The following DKK2 variants were observed in gnomAD, a reference collection of about 807,000 sequenced individuals.
The protein encoded by DKK2 is dickkopf Wnt signaling pathway inhibitor 2.
In DKK2, 11 loss-of-function variants were observed where a neutral mutation model predicts 28.1. The observed-to-expected ratio is 0.39, with a 90% confidence interval of 0.25 to 0.65. DKK2 has a LOEUF of 0.65. Ranked by LOEUF, DKK2 falls within the 30% of genes least tolerant of loss-of-function variation. The pLI is 0.47. For synonymous variants in DKK2, 135 were observed against 126.5 expected, an observed-to-expected ratio of 1.07 and a Z score of -0.45; for missense variants, 326 against 335.5, an observed-to-expected ratio of 0.97 and a Z score of 0.22.
chr4:106,963,524 T>C lies in DKK2; in HGVS notation c.223-37575A>G, dbSNP rs143546551. 2.4e-4 allele frequency among the ~76,000 whole-genome samples: 37 copies of C among 152,278 alleles called. No individual in the cohort carries two copies. The East Asian group carries it at 6.6e-3, about 27-fold the overall frequency. On this transcript the variant is annotated intron_variant, in intron 1 of 3. Coordinates refer to ENST00000285311, the MANE Select transcript of DKK2 (RefSeq NM_014421.3). ...TTAAAGTGGATTTTATCCAATAGAC[T>C]GGCAATAATGTATGCTGGTGAGGAT...
At chr4:107,011,714 G>A (rs200978693) in intron 1 of DKK2, among the ~76,000 whole-genome samples, 1 of 142,804 alleles carries the variant, frequency 7.0e-6, no homozygotes, top group Admixed American at 7.2e-5. Context: ...TGTGTGTGTG[G>A]GTGTGTATAA....
chr4:106,934,476 A>G (rs1724549469), intron 1 of DKK2, among the ~76,000 whole-genome samples: 1 of 152,206 alleles, frequency 6.6e-6, no homozygotes, highest in South Asian at 2.1e-4. Context: ...TCATCTTAAT[A>G]GCAGAATTAG....
intron 1 of DKK2, among the ~76,000 whole-genome samples, chr4:106,934,961 G>A (rs114363451): frequency 5.1e-4 from 78 of 152,324 alleles, no homozygotes; most frequent in African/African-American, 1.9e-3. Context: ...TCCCTCAGGT[G>A]TGCTGGTGCA....
chr4:106,980,306 T>A (rs1383212501), intron 1 of DKK2, among the ~76,000 whole-genome samples: 3 of 152,114 alleles, frequency 2.0e-5, no homozygotes, highest in Non-Finnish European at 4.4e-5. Flanking sequence ...GATATCTATG[T>A]GTATGTACAT....
chr4:106,934,028 T>A (rs960396543), intron 1 of DKK2, among the ~76,000 whole-genome samples: 2 of 148,984 alleles, frequency 1.3e-5, no homozygotes, highest in South Asian at 4.3e-4. Context: ...ATACACACAC[T>A]ATATATATAT....
intron 1 of DKK2, among the ~76,000 whole-genome samples, chr4:106,957,950 A>G (rs1002202818): frequency 2.0e-5 from 3 of 150,116 alleles, no homozygotes; most frequent in Non-Finnish European, 4.4e-5. Flanking sequence ...TTTAAAAAAG[A>G]TGATTCTCTA....
intron 1 of DKK2, among the ~76,000 whole-genome samples, chr4:107,027,900 T>C (rs13132753): frequency 0.29 from 44,052 of 151,316 alleles, 6,647 homozygotes; most frequent in East Asian, 0.53. Flanking sequence ...TACAGGCGCC[T>C]GCCACCACGC....
chr4:106,994,673 T>A (rs947470384), intron 1 of DKK2, among the ~76,000 whole-genome samples: 1 of 152,230 alleles, frequency 6.6e-6, no homozygotes, highest in African/African-American at 2.4e-5. Flanking sequence ...AACATAACTG[T>A]GTAAGTAACA....
chr4:106,966,955 A>G (rs976407755), intron 1 of DKK2, among the ~76,000 whole-genome samples: 1 of 152,166 alleles, frequency 6.6e-6, no homozygotes, highest in Non-Finnish European at 1.5e-5. Context: ...CAGCCAAACC[A>G]TATCAATTTC....
intron 1 of DKK2, among the ~76,000 whole-genome samples, chr4:106,996,298 AG>A (rs1296833149): frequency 1.3e-5 from 2 of 152,220 alleles, no homozygotes; most frequent in African/African-American, 4.8e-5. Flanking sequence ...TGCAACTCAA[AG>A]GGAAAATGTA....
At chr4:107,022,300 GC>G (rs1330932373) in intron 1 of DKK2, among the ~76,000 whole-genome samples, 1 of 152,058 alleles carries the variant, frequency 6.6e-6, no homozygotes, top group African/African-American at 2.4e-5. Flanking sequence ...TGTGATCATA[GC>G]ATCTAATACA....
chr4:106,985,896 G>A (rs1204889572), intron 1 of DKK2, among the ~76,000 whole-genome samples: 1 of 151,228 alleles, frequency 6.6e-6, no homozygotes, highest in Non-Finnish European at 1.5e-5. Flanking sequence ...AAAGGAGGGA[G>A]GAAAGAAGGA....
intron 1 of DKK2, among the ~76,000 whole-genome samples, chr4:106,991,910 G>T (rs1478801970): frequency 6.6e-6 from 1 of 152,094 alleles, no homozygotes; most frequent in Admixed American, 6.5e-5. Flanking sequence ...TTTGCACCTG[G>T]ATCTTCACTG....
chr4:107,008,902 A>C (rs1035934139), intron 1 of DKK2, among the ~76,000 whole-genome samples: 1 of 152,056 alleles, frequency 6.6e-6, no homozygotes, highest in African/African-American at 2.4e-5. Flanking sequence ...AGGCAGAAAT[A>C]TGACATAGAA....
chr4:106,938,615 G>T (rs540075734), intron 1 of DKK2, among the ~76,000 whole-genome samples: 1 of 152,070 alleles, frequency 6.6e-6, no homozygotes, highest in East Asian at 1.9e-4. Context: ...TTTTTATGAG[G>T]CCAGCATCAT....
At chr4:106,983,325 A>AAAGG (rs1218243986) in intron 1 of DKK2, among the ~76,000 whole-genome samples, 1 of 105,594 alleles carries the variant, frequency 9.5e-6, no homozygotes, top group East Asian at 2.7e-4. Flanking sequence ...AAGAAGAAAG[A>AAAGG]AAGGAAGAAA....
At chr4:107,034,597 T>G (rs1448991704) in intron 1 of DKK2, among the ~76,000 whole-genome samples, 2 of 152,330 alleles carry the variant, frequency 1.3e-5, no homozygotes, top group South Asian at 4.1e-4. Flanking sequence ...TTCAGTGTCC[T>G]GCTGTATCGC....
chr4:106,938,994 C>A (rs1472257706), intron 1 of DKK2, among the ~76,000 whole-genome samples: 5 of 151,948 alleles, frequency 3.3e-5, no homozygotes, highest in African/African-American at 1.2e-4. Context: ...GACAAACCCA[C>A]AGCCAATATC....
intron 1 of DKK2, among the ~76,000 whole-genome samples, chr4:106,955,944 G>A (rs1031544727): frequency 2.4e-4 from 36 of 152,156 alleles, no homozygotes; most frequent in Non-Finnish European, 4.7e-4. Context: ...CTGATACATT[G>A]ATCTCATTTT....
Sources: gnomAD v4.1 joint callset for allele counts (sites outside exome capture counted in the v4.1 genomes callset) on GRCh38, gnomAD v4.1.1 for gene constraint, MANE v1.5 for transcripts, NCBI Gene and HGNC (gene_info 2026-07-23, HGNC 2026-07-21) for gene names.